Variants in NFIA observed in about 807,000 individuals in gnomAD.
The protein encoded by NFIA is nuclear factor I A.
A neutral mutation model predicts 62.8 loss-of-function variants in NFIA; 8 were observed. The ratio of observed to expected loss-of-function variants is 0.13; its 90% CI spans 0.07 to 0.23. The LOEUF (loss-of-function observed/expected upper bound fraction) is 0.23, where lower values mean the gene tolerates loss of function less well. NFIA is among the 10% of genes least tolerant of loss of function. The probability of loss-of-function intolerance (pLI) is 1.00; values close to 1 mark genes in which losing one functional copy is unlikely to be tolerated. For synonymous variants in NFIA, 235 were observed against 238.1 expected (o/e 0.99, Z 0.12); for missense variants, 410 against 642.1 (o/e 0.64, Z 3.91).
chr1:61,385,658 C>CAG (rs1557747998), intron 7 of NFIA, among the ~76,000 whole-genome samples: 3 of 152,108 alleles, frequency 2.0e-5, no homozygotes, highest in Admixed American at 2.0e-4. Context: ...GGGCACTTCC[C>CAG]TATGGGTACA....
intron 9 of NFIA, among the ~76,000 whole-genome samples, chr1:61,409,544 C>T (rs559778916): frequency 6.6e-6 from 1 of 152,308 alleles, no homozygotes; most frequent in South Asian, 2.1e-4. Context: ...CTCCCATGCC[C>T]TGATTTCTAA....
intron 3 of NFIA, among the ~76,000 whole-genome samples, chr1:61,320,721 T>C (rs1345944806): frequency 1.3e-5 from 2 of 152,134 alleles, no homozygotes; most frequent in East Asian, 3.9e-4. Context: ...CAGGATTCTC[T>C]GTAAATGGTC....
At chr1:61,280,294 T>C (rs924654770) in intron 3 of NFIA, among the ~76,000 whole-genome samples, 2 of 152,218 alleles carry the variant, frequency 1.3e-5, no homozygotes, top group African/African-American at 2.4e-5. Context: ...GATATGAAGA[T>C]GAAGTGTGTG....
intron 4 of NFIA, among the ~76,000 whole-genome samples, chr1:61,350,961 TACAATGATTCCACTTA>T (rs1212979733): frequency 6.6e-6 from 1 of 152,210 alleles, no homozygotes; most frequent in Non-Finnish European, 1.5e-5. Flanking sequence ...GTCCCCAATT[TACAATGATTCCACTTA>T]AAATTTTCAG....
chr1:61,353,178 G>C (rs886315777), intron 5 of NFIA, among the ~76,000 whole-genome samples: 3 of 151,874 alleles, frequency 2.0e-5, no homozygotes, highest in Non-Finnish European at 4.4e-5. Flanking sequence ...GCCCTAAAAG[G>C]TGAAACCCAT....
chr1:61,436,823 A>G (rs1339888871), intron 10 of NFIA, among the ~76,000 whole-genome samples: 2 of 152,200 alleles, frequency 1.3e-5, no homozygotes, highest in Admixed American at 6.5e-5. Flanking sequence ...AAGGTCTCAC[A>G]TTGCTTCCTT....
chr1:61,385,389 G>T (rs552883867), intron 7 of NFIA, among the ~76,000 whole-genome samples: 1 of 152,340 alleles, frequency 6.6e-6, no homozygotes, highest in East Asian at 1.9e-4. Context: ...AATCAGGAGA[G>T]CTGGGTAGGC....
chr1:61,106,081 C>CCTCT (rs143350333), intron 2 of NFIA, among the ~76,000 whole-genome samples: 7 of 145,144 alleles, frequency 4.8e-5, no homozygotes, highest in Non-Finnish European at 1.1e-4. Context: ...CCACAAAAAT[C>CCTCT]CTCTCTCTCT....
At chr1:61,170,545 G>A (rs757247269) in intron 2 of NFIA, among the ~76,000 whole-genome samples, 2 of 152,128 alleles carry the variant, frequency 1.3e-5, no homozygotes, top group Non-Finnish European at 2.9e-5. Context: ...GCCTGTGTAG[G>A]ATTTCTGGAT....
At chr1:61,145,675 G>A (rs1320959568) in intron 2 of NFIA, among the ~76,000 whole-genome samples, 1 of 152,050 alleles carries the variant, frequency 6.6e-6, no homozygotes, top group Admixed American at 6.6e-5. Flanking sequence ...GGTGGTGTTG[G>A]GTGCATCATG....
At chr1:61,191,333 TA>T (rs1190329486) in intron 2 of NFIA, among the ~76,000 whole-genome samples, 1 of 152,136 alleles carries the variant, frequency 6.6e-6, no homozygotes, top group Non-Finnish European at 1.5e-5. Context: ...TAGTAGTATT[TA>T]AAGTCTCAAG....
chr1:61,267,062 A>G (rs1557671753), intron 2 of NFIA, among the ~76,000 whole-genome samples: 1 of 152,140 alleles, frequency 6.6e-6, no homozygotes, highest in Non-Finnish European at 1.5e-5. Flanking sequence ...TTCTTTTATC[A>G]TGCCTTTTGC....
At chr1:61,268,975 G>A (rs570009732) in intron 2 of NFIA, among the ~76,000 whole-genome samples, 3 of 152,134 alleles carry the variant, frequency 2.0e-5, no homozygotes, top group Admixed American at 1.3e-4. Flanking sequence ...CCCTTGCCTC[G>A]TTGTTTGGGA....
intron 9 of NFIA, among the ~76,000 whole-genome samples, chr1:61,415,231 C>T (rs1049767525): frequency 2.6e-5 from 4 of 151,798 alleles, no homozygotes; most frequent in South Asian, 2.1e-4. Context: ...AAATTTCAGC[C>T]GGAATCAAAA....
At chr1:61,133,734 G>C (rs1053522928) in intron 2 of NFIA, among the ~76,000 whole-genome samples, 1 of 152,182 alleles carries the variant, frequency 6.6e-6, no homozygotes, top group African/African-American at 2.4e-5. Context: ...TCAGGAGTCT[G>C]TGGTGGAAGG....
chr1:61,380,802 A>G (rs1051523611), intron 6 of NFIA, among the ~76,000 whole-genome samples: 2 of 152,138 alleles, frequency 1.3e-5, no homozygotes, highest in Non-Finnish European at 2.9e-5. Flanking sequence ...CTGCATGCTG[A>G]CGGTATTTCT....
chr1:61,300,732 C>A (rs1327434933), intron 3 of NFIA, among the ~76,000 whole-genome samples: 1 of 151,762 alleles, frequency 6.6e-6, no homozygotes, highest in Non-Finnish European at 1.5e-5. Context: ...TACACACACA[C>A]CCATATGTAA....
At chr1:61,245,471 A>G (rs896258424) in intron 2 of NFIA, among the ~76,000 whole-genome samples, 4 of 152,172 alleles carry the variant, frequency 2.6e-5, no homozygotes, top group Admixed American at 6.5e-5. Context: ...AATGATTTTA[A>G]CACTTTGTTC....
chr1:61,079,973 CTG>C (rs1646075640), upstream of NFIA, among the ~76,000 whole-genome samples: 1 of 152,162 alleles, frequency 6.6e-6, no homozygotes, highest in Admixed American at 6.5e-5. Flanking sequence ...TTTCCAAAGG[CTG>C]TAGTTGGAAC....
Sources: gnomAD v4.1 joint callset for allele counts (sites outside exome capture counted in the v4.1 genomes callset) on GRCh38, gnomAD v4.1.1 for gene constraint, MANE v1.5 for transcripts, NCBI Gene and HGNC (gene_info 2026-07-23, HGNC 2026-07-21) for gene names.